The following NHSL2 variants were observed in gnomAD, a reference collection of about 807,000 sequenced individuals.
NHSL2 encodes NHS-like protein 2.
NHSL2 carries 27 observed loss-of-function variants against 53.4 expected under a neutral mutation model. That is an observed-to-expected ratio of 0.51 (90% CI 0.37 to 0.70). The LOEUF (loss-of-function observed/expected upper bound fraction) is 0.70. Ranked by LOEUF, NHSL2 falls within the 30% of genes least tolerant of loss-of-function variation. The probability of loss-of-function intolerance (pLI) is 0.00; values close to 1 mark genes in which losing one functional copy is unlikely to be tolerated. For synonymous variants in NHSL2, 408 were observed against 404.1 expected (o/e 1.01, Z -0.12); for missense variants, 892 against 980.1 (o/e 0.91, Z 1.20).
rs934576252 is a variant in NHSL2 at position 72,145,919 on chromosome X, A to G, written c.*2345A>G. ...TACCTTTAGTCTTGTTTTCCTCTAC[A>G]ATACTCTATATGCCTGGAATTTTTA... On this transcript the variant is annotated 3_prime_UTR_variant, in exon 8 of 8. Coordinates refer to ENST00000633930, the MANE Select transcript of NHSL2 (RefSeq NM_001013627.3). 8.9e-6 allele frequency: 1 copy of G among 112,732 alleles called. No homozygotes were observed. Among genetic ancestry groups the G allele is most frequent in the Non-Finnish European group, 1.9e-5 (1 of 53,323 alleles). 9.3% of individuals were successfully genotyped at this position (112,732 alleles called of 1,213,427 possible).
chrX:71,924,512 A>G (rs185697428), intron 1 of NHSL2, among the ~76,000 whole-genome samples: 1 of 111,850 alleles, frequency 8.9e-6, no homozygotes. Context: ...TCTTCTTTAG[A>G]ACTTGAAAGA....
At chrX:72,033,113 A>G (rs1216073341) in intron 1 of NHSL2, among the ~76,000 whole-genome samples, 1 of 111,604 alleles carries the variant, frequency 9.0e-6, no homozygotes, top group Non-Finnish European at 1.9e-5. Flanking sequence ...CTATATCTAT[A>G]AAAAGAAAAA....
At position 72,140,070 on chromosome X, in the gene NHSL2, C is replaced by T. The variant is rs750179274; in HGVS notation, c.2522C>T (p.Pro841Leu). The change falls in exon 6 of 8, where the codon CCG becomes CTG. Residue 841 changes from proline (P) to leucine (L), a missense_variant. Physicochemically the swap from Pro to Leu is moderately conservative, Grantham distance 98 (BLOSUM62 -3). Coordinates refer to ENST00000633930, the MANE Select transcript of NHSL2 (RefSeq NM_001013627.3). Reference sequence around the variant, plus strand: ...CTGAGGTCGGTCAGCAAGTCTGAGCCGGAAGATGATATTGAGAGCCCTGAG... The same window carrying T: ...CTGAGGTCGGTCAGCAAGTCTGAGCTGGAAGATGATATTGAGAGCCCTGAG... ...VRLRSVSKSE[P>L]EDDIESPEYA... 7 of 1,209,020 alleles carry T rather than the reference C, an allele frequency of 5.8e-6. No individual in the cohort carries two copies. Among genetic ancestry groups the T allele is most frequent in the African/African-American group, 1.7e-5 (1 of 57,640 alleles).
At chrX:72,098,715 A>G (rs972117299) in intron 1 of NHSL2, among the ~76,000 whole-genome samples, 2 of 112,037 alleles carry the variant, frequency 1.8e-5, no homozygotes, top group Non-Finnish European at 3.8e-5. Flanking sequence ...TTATTTTAAT[A>G]GTTTTATGTT....
At chrX:71,922,017 G>A (rs1391506553) in intron 1 of NHSL2, among the ~76,000 whole-genome samples, 1 of 112,481 alleles carries the variant, frequency 8.9e-6, no homozygotes, top group Non-Finnish European at 1.9e-5. Context: ...GGGAAACTTT[G>A]GAGTGGTCTC....
At chrX:72,092,384 G>A (rs943373038) in intron 1 of NHSL2, among the ~76,000 whole-genome samples, 2 of 111,297 alleles carry the variant, frequency 1.8e-5, no homozygotes, top group Non-Finnish European at 3.8e-5. Context: ...TCACATACAC[G>A]TTCCCCAAGA....
chrX:71,995,424 C>T (rs902498816), intron 1 of NHSL2, among the ~76,000 whole-genome samples: 3 of 46,101 alleles, frequency 6.5e-5, no homozygotes, highest in Non-Finnish European at 2.1e-4. Flanking sequence ...CCCACAGGCC[C>T]TGCATACTCT....
At chrX:72,086,813 C>T (rs779712179) in intron 1 of NHSL2, among the ~76,000 whole-genome samples, 10 of 110,673 alleles carry the variant, frequency 9.0e-5, no homozygotes, top group Non-Finnish European at 1.7e-4. Flanking sequence ...TTATTTAACT[C>T]ATTACAGTAA....
At chrX:72,132,262 G>C in intron 2 of NHSL2, 28 bp downstream of exon 2, 1 of 1,136,716 alleles carries the variant, frequency 8.8e-7, no homozygotes, top group Non-Finnish European at 1.2e-6. Flanking sequence ...GGCTGCGGCC[G>C]GAGCCCAGAA....
intron 1 of NHSL2, among the ~76,000 whole-genome samples, chrX:71,983,851 C>T (rs764993520): frequency 9.0e-6 from 1 of 111,701 alleles, no homozygotes; most frequent in South Asian, 3.8e-4. Flanking sequence ...AGGTCACTCT[C>T]ATCGCCATCT....
chrX:72,035,763 T>A (rs1309397338), intron 1 of NHSL2, among the ~76,000 whole-genome samples: 1 of 112,108 alleles, frequency 8.9e-6, no homozygotes, highest in East Asian at 2.8e-4. Context: ...CTTACTGTGT[T>A]ATTTCTTCCT....
At chrX:72,073,917 G>T (rs2041720521) in intron 1 of NHSL2, among the ~76,000 whole-genome samples, 2 of 112,640 alleles carry the variant, frequency 1.8e-5, no homozygotes, top group Non-Finnish European at 3.8e-5. Context: ...GCCCAGCCTT[G>T]TAGAAGTCCC....
chrX:71,995,395 G>A (rs2042045618), intron 1 of NHSL2, among the ~76,000 whole-genome samples: 1 of 102,058 alleles, frequency 9.8e-6, no homozygotes, highest in African/African-American at 3.4e-5. Flanking sequence ...CAGATGAAAA[G>A]CCAACGTCCT....
intron 1 of NHSL2, among the ~76,000 whole-genome samples, chrX:71,923,569 G>GAT: frequency 1.8e-5 from 2 of 112,057 alleles, no homozygotes; most frequent in South Asian, 7.5e-4. Flanking sequence ...ATATGTCAGT[G>GAT]ATATACCCTG....
At chrX:72,096,431 G>A (rs1046401389) in intron 1 of NHSL2, among the ~76,000 whole-genome samples, 1 of 111,769 alleles carries the variant, frequency 8.9e-6, no homozygotes, top group African/African-American at 3.3e-5. Flanking sequence ...TCCTTATCTC[G>A]CCTCTGTAGA....
At chrX:72,107,953 T>C (rs1433515347) in intron 1 of NHSL2, among the ~76,000 whole-genome samples, 1 of 112,064 alleles carries the variant, frequency 8.9e-6, no homozygotes, top group African/African-American at 3.2e-5. Flanking sequence ...CTTGTGTGTG[T>C]CTAGAAGATG....
chrX:72,029,053 G>T (rs778624528), intron 1 of NHSL2, among the ~76,000 whole-genome samples: 1 of 111,658 alleles, frequency 9.0e-6, no homozygotes, highest in African/African-American at 3.3e-5. Context: ...CTTTGGGTGT[G>T]GAAAGCTTAG....
At chrX:71,949,229 G>A (rs1295932988) in intron 1 of NHSL2, among the ~76,000 whole-genome samples, 1 of 111,418 alleles carries the variant, frequency 9.0e-6, no homozygotes, top group Non-Finnish European at 1.9e-5. Context: ...TGTTGGCACA[G>A]CTATGCCAGA....
chrX:72,100,655 A>T (rs2147460880), intron 1 of NHSL2, among the ~76,000 whole-genome samples: 1 of 111,940 alleles, frequency 8.9e-6, no homozygotes, highest in South Asian at 3.7e-4. Flanking sequence ...CAGGAACCCT[A>T]CTGTGAGCTG....
Sources: allele counts gnomAD v4.1 joint callset (sites outside exome capture counted in the v4.1 genomes callset), GRCh38; gene constraint gnomAD v4.1.1; transcripts MANE v1.5; gene names NCBI Gene and HGNC (gene_info 2026-07-23, HGNC 2026-07-21).